MBD5: variants seen among roughly 807,000 people sequenced by gnomAD.
MBD5 encodes methyl-CpG binding domain protein 5.
Under a neutral mutation model 117.3 loss-of-function variants are expected in MBD5, and 13 were observed. The ratio of observed to expected loss-of-function variants is 0.11; its 90% CI spans 0.07 to 0.18. The LOEUF is 0.18. Ranked by LOEUF, MBD5 falls within the 10% of genes least tolerant of loss-of-function variation. The pLI, the probability that MBD5 is intolerant of heterozygous loss-of-function variation, is 1.00. For synonymous variants in MBD5, 727 were observed against 766.4 expected, an observed-to-expected ratio of 0.95 and a Z score of 0.85; for missense variants, 1,879 against 2,093.8, an observed-to-expected ratio of 0.90 and a Z score of 2.00.
chr2:148,229,008 T>G (rs1171249147), intron 2 of MBD5, among the ~76,000 whole-genome samples: 2 of 152,128 alleles, frequency 1.3e-5, no homozygotes, highest in Non-Finnish European at 2.9e-5. Flanking sequence ...CTTTTCTTCT[T>G]TATTAGTCTT....
At chr2:148,353,786 G>T (rs1009180655) in intron 4 of MBD5, among the ~76,000 whole-genome samples, 2 of 152,022 alleles carry the variant, frequency 1.3e-5, no homozygotes, top group African/African-American at 4.8e-5. Flanking sequence ...TCACCATGTT[G>T]CCCAGGCTGA....
At chr2:148,211,051 C>G (rs150674641) in intron 2 of MBD5, among the ~76,000 whole-genome samples, 167 of 152,230 alleles carry the variant, frequency 1.1e-3, no homozygotes, top group African/African-American at 3.7e-3. Flanking sequence ...TATTTTCATA[C>G]GTGAATCAGC....
chr2:148,365,432 G>C (rs1703667544), intron 4 of MBD5, among the ~76,000 whole-genome samples: 1 of 152,122 alleles, frequency 6.6e-6, no homozygotes, highest in Non-Finnish European at 1.5e-5. Context: ...AAAAGGAGTA[G>C]AGAAGCAAGA....
chr2:148,243,906 A>G (rs1700277083), intron 3 of MBD5: 1 of 152,134 alleles, frequency 6.6e-6, no homozygotes, highest in East Asian at 1.9e-4. Context: ...CTATGATTCT[A>G]TAGAAAAATC....
At chr2:148,167,042 A>C (rs1020193005) in intron 1 of MBD5, among the ~76,000 whole-genome samples, 3 of 152,146 alleles carry the variant, frequency 2.0e-5, no homozygotes, top group Non-Finnish European at 1.5e-5. Flanking sequence ...TGTTAATGTC[A>C]TAAATACTGG....
intron 1 of MBD5, among the ~76,000 whole-genome samples, chr2:148,057,371 A>G (rs1694896490): frequency 6.6e-6 from 1 of 151,822 alleles, no homozygotes; most frequent in Non-Finnish European, 1.5e-5. Flanking sequence ...TCCTTTAAGT[A>G]CTGCTTTAGC....
chr2:148,114,017 T>C (rs1381698124), intron 1 of MBD5, among the ~76,000 whole-genome samples: 1 of 152,230 alleles, frequency 6.6e-6, no homozygotes, highest in East Asian at 1.9e-4. Flanking sequence ...TATAATATTG[T>C]ATATTTGGCT....
At chr2:148,234,834 G>A (rs540476048) in intron 3 of MBD5, among the ~76,000 whole-genome samples, 5 of 152,026 alleles carry the variant, frequency 3.3e-5, no homozygotes, top group Non-Finnish European at 5.9e-5. Context: ...TCCTGGAATT[G>A]CATTTTAAAT....
At chr2:148,152,976 G>A (rs1031464024) in intron 1 of MBD5, among the ~76,000 whole-genome samples, 16 of 151,558 alleles carry the variant, frequency 1.1e-4, no homozygotes, top group African/African-American at 3.9e-4. Flanking sequence ...ATTTGATCCT[G>A]TCATTATGAT....
At chr2:148,270,530 A>C (rs976794949) in intron 3 of MBD5, among the ~76,000 whole-genome samples, 4 of 151,930 alleles carry the variant, frequency 2.6e-5, no homozygotes, top group South Asian at 2.1e-4. Flanking sequence ...CTGGGATTAC[A>C]GGCATGCACC....
Position 148,490,230 on chromosome 2 carries a change from G to A in MBD5, c.4598G>A (p.Gly1533Glu), listed in dbSNP as rs2105130731. Reference sequence around the variant, plus strand: ...GGGAATAGACCTCGACAGAGTCGGGGATTTGGAGAGCTGCTAAGCACTGCA... The same window carrying A: ...GGGAATAGACCTCGACAGAGTCGGGAATTTGGAGAGCTGCTAAGCACTGCA... ...INGNRPRQSR[G>E]FGELLSTAKQ... Residue 1533 changes from glycine to glutamate, a missense_variant, in exon 11 of 14, where the codon GGA becomes GAA. Transcript: ENST00000642680. The A allele has an allele frequency of 1.2e-6, 2 of 1,614,202 alleles. No homozygotes were observed. The highest frequency in any genetic ancestry group is 2.2e-5 in the South Asian group (2 of 91,080).
At chr2:148,100,993 A>G (rs1384312988) in intron 1 of MBD5, among the ~76,000 whole-genome samples, 1 of 152,172 alleles carries the variant, frequency 6.6e-6, no homozygotes, top group Non-Finnish European at 1.5e-5. Context: ...TACAAATAAC[A>G]AATCTATATT....
intron 8 of MBD5, among the ~76,000 whole-genome samples, chr2:148,473,762 T>C (rs1311468222): frequency 3.9e-5 from 6 of 152,140 alleles, no homozygotes; most frequent in Non-Finnish European, 8.8e-5. Context: ...ATAAAAGATA[T>C]TAAATACTTT....
chr2:148,424,904 G>A (rs1386364599), intron 4 of MBD5, among the ~76,000 whole-genome samples: 1 of 152,096 alleles, frequency 6.6e-6, no homozygotes, highest in Non-Finnish European at 1.5e-5. Context: ...GGGAAATTTA[G>A]AGCACTAAAT....
intron 7 of MBD5, among the ~76,000 whole-genome samples, chr2:148,467,125 G>T (rs900798709): frequency 6.6e-6 from 1 of 152,098 alleles, no homozygotes; most frequent in Non-Finnish European, 1.5e-5. Context: ...TTCTCATGGA[G>T]CCCAGCTAGA....
At chr2:148,074,507 G>GTTTTTTTTTTTTTTTTTTT (rs11443189) in intron 1 of MBD5, among the ~76,000 whole-genome samples, 4 of 113,774 alleles carry the variant, frequency 3.5e-5, no homozygotes, top group South Asian at 2.9e-4. Context: ...TTTTTTTTTT[G>GTTTTTTTTTTTTTTTTTTT]TTTTTTTTTT....
chr2:148,143,463 G>A (rs2105557223), intron 1 of MBD5, among the ~76,000 whole-genome samples: 1 of 152,128 alleles, frequency 6.6e-6, no homozygotes, highest in African/African-American at 2.4e-5. Flanking sequence ...GTATTATCTT[G>A]ATAAAAATGA....
intron 2 of MBD5, among the ~76,000 whole-genome samples, chr2:148,216,118 G>T (rs1029250346): frequency 2.0e-5 from 3 of 152,178 alleles, no homozygotes; most frequent in Non-Finnish European, 2.9e-5. Context: ...GCAATTGGAA[G>T]GTGGGAAGGG....
chr2:148,410,137 A>AT (rs1156451511), intron 4 of MBD5, among the ~76,000 whole-genome samples: 1 of 152,218 alleles, frequency 6.6e-6, no homozygotes, highest in Non-Finnish European at 1.5e-5. Context: ...CCAGAAGAAT[A>AT]TAACAGTTTG....
Sources: gnomAD v4.1 joint callset for allele counts (sites outside exome capture counted in the v4.1 genomes callset) on GRCh38, gnomAD v4.1.1 for gene constraint, MANE v1.5 for transcripts, NCBI Gene and HGNC (gene_info 2026-07-23, HGNC 2026-07-21) for gene names.